PCDHA7: variants seen among roughly 807,000 people sequenced by gnomAD.
PCDHA7 encodes the protein protocadherin alpha-7.
PCDHA7 carries 37 observed loss-of-function variants against 57.2 expected under a neutral mutation model. The observed-to-expected ratio is 0.65, with a 90% CI of 0.50 to 0.85. The LOEUF (loss-of-function observed/expected upper bound fraction) is 0.85. Ranked by LOEUF, PCDHA7 falls within the 40% of genes least tolerant of loss-of-function variation. The probability of loss-of-function intolerance (pLI) is 0.00; values close to 1 mark genes in which losing one functional copy is unlikely to be tolerated. For synonymous variants in PCDHA7, 553 were observed against 558.8 expected, an observed-to-expected ratio of 0.99 and a Z score of 0.15; for missense variants, 1,188 against 1,241.8, an observed-to-expected ratio of 0.96 and a Z score of 0.65.
intron 1 of PCDHA7, among the ~76,000 whole-genome samples, chr5:140,916,482 G>C (rs2077584456): frequency 6.6e-6 from 1 of 152,194 alleles, no homozygotes; most frequent in African/African-American, 2.4e-5. Context: ...GTGCCCAAGG[G>C]CTCTTTAGTC....
intron 1 of PCDHA7, chr5:140,927,673 G>C: frequency 6.2e-7 from 1 of 1,614,224 alleles, no homozygotes; most frequent in Non-Finnish European, 8.5e-7. Flanking sequence ...CTTGGATCCA[G>C]ATGAAGGGTC....
chr5:140,983,228 A>G (rs1012242202), intron 3 of PCDHA7, among the ~76,000 whole-genome samples: 1 of 152,240 alleles, frequency 6.6e-6, no homozygotes, highest in South Asian at 2.1e-4. Flanking sequence ...CCAAACTTTC[A>G]GGAAAGAGAA....
chr5:140,966,449 C>CT (rs1737219736), intron 1 of PCDHA7: 1 of 425,908 alleles, frequency 2.3e-6, no homozygotes, highest in South Asian at 9.0e-5. Context: ...CCCTTTCCCC[C>CT]TCCCCCTCTG....
chr5:140,982,779 G>A (rs1228586175), intron 3 of PCDHA7, among the ~76,000 whole-genome samples: 2 of 151,918 alleles, frequency 1.3e-5, no homozygotes, highest in African/African-American at 2.4e-5. Context: ...GAAAGTGTGT[G>A]TGCACGCATG....
intron 1 of PCDHA7, among the ~76,000 whole-genome samples, chr5:140,977,149 G>A (rs1484811068): frequency 6.6e-6 from 1 of 152,198 alleles, no homozygotes; most frequent in Non-Finnish European, 1.5e-5. Flanking sequence ...TGCTGGAACT[G>A]TGCCTTTCAG....
At chr5:140,967,627 C>G (rs1218869340) in intron 1 of PCDHA7, 16 of 1,614,040 alleles carry the variant, frequency 9.9e-6, no homozygotes, top group Non-Finnish European at 1.3e-5. Context: ...CGGATGAGGG[C>G]TCCAATGGTG....
At chr5:140,868,550 T>A (rs2050522684) in intron 1 of PCDHA7, 1 of 152,704 alleles carries the variant, frequency 6.5e-6, no homozygotes, top group South Asian at 2.1e-4. Flanking sequence ...AATTTGATAG[T>A]ATTTTTATAT....
chr5:140,869,885 T>C (rs2051479155), intron 1 of PCDHA7: 7 of 1,610,426 alleles, frequency 4.3e-6, no homozygotes, highest in South Asian at 1.1e-5. Context: ...GAAACTCTTG[T>C]GCTCAAACTA....
At chr5:140,864,478 G>A (rs377075793) in intron 1 of PCDHA7, 3 of 152,180 alleles carry the variant, frequency 2.0e-5, no homozygotes, top group Admixed American at 6.5e-5. Context: ...GATGTTGATT[G>A]CAGTGGGTGG....
rs185499663 is a variant in PCDHA7 at position 140,835,739 on chromosome 5, C to A, written c.1356C>A (p.Ala452=). 15 of 1,613,474 alleles carry A rather than the reference C, an allele frequency of 9.3e-6. No individual in the cohort carries two copies. Among genetic ancestry groups the A allele is most frequent in the Non-Finnish European group, 1.3e-5 (15 of 1,179,840 alleles). ...AGGTGGCCGACGTGAACGACAACGC[C>A]CCGGCGTTCGCGCAGCCCGAGTATA... The part of the protein sequence containing the change: ...SVEVADVNDN[A]PAFAQPEYTV... Residue 452 remains alanine (A), a synonymous_variant, in exon 1 of 4, where the codon GCC becomes GCA. Coordinates refer to ENST00000525929, the MANE Select transcript of PCDHA7 (RefSeq NM_018910.3).
chr5:140,926,997 C>G (rs782110120), intron 1 of PCDHA7: 4 of 1,612,104 alleles, frequency 2.5e-6, no homozygotes, highest in African/African-American at 2.7e-5. Flanking sequence ...GGGGCGTAGC[C>G]GTAGGCAATC....
At chr5:140,969,363 C>G (rs367871893) in intron 1 of PCDHA7, 4 of 1,610,614 alleles carry the variant, frequency 2.5e-6, no homozygotes, top group East Asian at 4.5e-5. Flanking sequence ...CTTCTACAAA[C>G]TCATGCATTT....
chr5:140,875,698 G>C (rs2055722414), intron 1 of PCDHA7: 1 of 1,614,084 alleles, frequency 6.2e-7, no homozygotes, highest in African/African-American at 1.3e-5. Context: ...GGACCTTCTG[G>C]AGGTAAATCT....
intron 1 of PCDHA7, chr5:140,928,202 A>G: frequency 6.2e-7 from 1 of 1,614,210 alleles, no homozygotes; most frequent in Non-Finnish European, 8.5e-7. Flanking sequence ...TCAGTTGCTG[A>G]TGTGAATGAC....
intron 1 of PCDHA7, chr5:140,842,659 C>T: frequency 6.9e-6 from 11 of 1,595,302 alleles, no homozygotes; most frequent in African/African-American, 1.3e-5. Context: ...TGGAGGTGGC[C>T]GACGTGAACG....
Position 141,009,792 on chromosome 5 carries a change from C to T in PCDHA7, c.2669C>T (p.Pro890Leu). Residue 890 changes from proline (P) to leucine (L), a missense_variant, in exon 4 of 4, where the codon CCT (proline) becomes CTT (leucine). Physicochemically the swap from Pro to Leu is moderately conservative, Grantham distance 98. Transcript: ENST00000525929. ...GCAATCATCTCCATCCGGCAGGAGC[C>T]TACTAACAGCCAAATTGACAAAAGT... ...SPAIISIRQEPTNSQIDKSDF... is the reference protein window; with the variant it reads ...SPAIISIRQELTNSQIDKSDF... 1 of 1,614,068 alleles carries T rather than the reference C, an allele frequency of 6.2e-7. No individual in the cohort carries two copies. The highest frequency in any genetic ancestry group is 8.5e-7 in the Non-Finnish European group (1 of 1,180,026).
In PCDHA7 at chr5:140,852,553, G is replaced by A. The variant is rs1414701990; in HGVS notation, c.2355+15815G>A. On this transcript the variant is annotated intron_variant, in intron 1 of 3. Coordinates refer to ENST00000525929, the MANE Select transcript of PCDHA7 (RefSeq NM_018910.3). ...GGCCTCCCAAAGTGCTGGGATTAAA[G>A]CTGTGAGCCACTGTGCCAAGGCTTT... is the stretch of plus-strand genomic sequence containing the variant. 2.0e-5 allele frequency: 13 copies of A among 647,952 alleles called. 1 individual carries two copies. The highest frequency in any genetic ancestry group is 2.2e-5 in the Non-Finnish European group (11 of 508,652). The allele number at this position is 647,952 out of a possible 1,614,324, so 40.1% of individuals were successfully genotyped here.
At chr5:140,871,609 A>G (rs1554165776) in intron 1 of PCDHA7, 1 of 1,428,296 alleles carries the variant, frequency 7.0e-7, no homozygotes, top group East Asian at 2.5e-5. Flanking sequence ...TGTTTTGAAT[A>G]TTGTTTTAGA....
At chr5:140,868,157 G>C (rs1380314181) in intron 1 of PCDHA7, 1 of 151,956 alleles carries the variant, frequency 6.6e-6, no homozygotes, top group Non-Finnish European at 1.5e-5. Flanking sequence ...GTTACATAAA[G>C]TGCTAAATTT....
Sources: gnomAD v4.1 joint callset for allele counts (sites outside exome capture counted in the v4.1 genomes callset) on GRCh38, gnomAD v4.1.1 for gene constraint, MANE v1.5 for transcripts, NCBI Gene and HGNC (gene_info 2026-07-23, HGNC 2026-07-21) for gene names.